Variants in PRIM2 observed in about 807,000 individuals in gnomAD.
The protein encoded by PRIM2 is DNA primase large subunit.
PRIM2 carries 39 observed loss-of-function variants against 67.3 expected under a neutral mutation model. That is an observed-to-expected ratio of 0.58 (90% CI 0.45 to 0.76). The LOEUF is 0.76. Ranked by LOEUF, PRIM2 falls within the 30% of genes least tolerant of loss-of-function variation. The probability of loss-of-function intolerance (pLI) is 0.00; values close to 1 mark genes in which losing one functional copy is unlikely to be tolerated. For synonymous variants in PRIM2, 143 were observed against 198.7 expected (o/e 0.72, Z 2.36); for missense variants, 398 against 598.7 (o/e 0.66, Z 3.50).
At chr6:57,461,210 GGT>G (rs1772992869) in intron 7 of PRIM2, among the ~76,000 whole-genome samples, 1 of 152,162 alleles carries the variant, frequency 6.6e-6, no homozygotes, top group Non-Finnish European at 1.5e-5. Context: ...ATGAACCCTT[GGT>G]AAGTAAGTGG....
chr6:57,641,516 C>G lies in PRIM2; in HGVS notation c.1300-4412C>G, dbSNP rs1164298229. ...CTGACAAAGGGCTAATATCCAGAAT[C>G]TACAAAGAACTTAAATTTACAAGAA... On this transcript the variant is annotated intron_variant, in intron 13 of 13. Transcript: ENST00000615550. Among the ~76,000 whole-genome samples the G allele has an allele frequency of 4.7e-3, 721 of 152,242 alleles. 1 individual carries two copies. Among genetic ancestry groups the G allele is most frequent in the African/African-American group, 0.015 (626 of 41,536 alleles).
intron 8 of PRIM2, among the ~76,000 whole-genome samples, chr6:57,513,080 A>G (rs1303374230): frequency 5.3e-5 from 8 of 152,224 alleles, no homozygotes; most frequent in Admixed American, 2.6e-4. Flanking sequence ...GAGAATTTGT[A>G]TAAATCATTA....
chr6:57,420,523 C>A (rs1771430124), intron 7 of PRIM2, among the ~76,000 whole-genome samples: 1 of 152,102 alleles, frequency 6.6e-6, no homozygotes, highest in Admixed American at 6.5e-5. Context: ...AATAATATTT[C>A]ATCTTCCCAA....
intron 9 of PRIM2, among the ~76,000 whole-genome samples, chr6:57,536,243 G>GTCC (rs1775000598): frequency 6.6e-6 from 1 of 152,214 alleles, no homozygotes; most frequent in Non-Finnish European, 1.5e-5. Context: ...ATGTGAGGGA[G>GTCC]TAAGAATTTA....
chr6:57,461,623 G>A (rs1390027783), intron 7 of PRIM2, among the ~76,000 whole-genome samples: 1 of 151,992 alleles, frequency 6.6e-6, no homozygotes, highest in Non-Finnish European at 1.5e-5. Context: ...AATTTTCAAT[G>A]TATGTATCTT....
intron 13 of PRIM2, among the ~76,000 whole-genome samples, chr6:57,642,723 G>A (rs1160289322): frequency 2.0e-5 from 3 of 152,078 alleles, no homozygotes; most frequent in African/African-American, 7.2e-5. Flanking sequence ...TTACAGGCGT[G>A]AGCCACCACG....
the PRIM2 span, among the ~76,000 whole-genome samples, chr6:57,285,349 T>C: frequency 6.6e-6 from 1 of 152,190 alleles, no homozygotes; most frequent in Non-Finnish European, 1.5e-5. Context: ...GTATTCCAGA[T>C]GAACACTGAT....
At chr6:57,627,147 G>A (rs1776961866) in intron 12 of PRIM2, among the ~76,000 whole-genome samples, 1 of 150,118 alleles carries the variant, frequency 6.7e-6, no homozygotes, top group Non-Finnish European at 1.5e-5. Flanking sequence ...TGGGTGTTAT[G>A]GTGCGCATCT....
intron 7 of PRIM2, among the ~76,000 whole-genome samples, chr6:57,425,116 T>G (rs1380759984): frequency 6.6e-6 from 1 of 152,238 alleles, no homozygotes; most frequent in African/African-American, 2.4e-5. Context: ...TTAAAATATG[T>G]TCTGTGTCTA....
At chr6:57,589,851 GAAGA>G (rs1344922219) in intron 10 of PRIM2, among the ~76,000 whole-genome samples, 1 of 152,132 alleles carries the variant, frequency 6.6e-6, no homozygotes, top group Non-Finnish European at 1.5e-5. Context: ...TAAACAGACA[GAAGA>G]GAGAGGCCTC....
the PRIM2 span, among the ~76,000 whole-genome samples, chr6:57,225,715 T>C: frequency 6.6e-6 from 1 of 152,194 alleles, no homozygotes; most frequent in Non-Finnish European, 1.5e-5. Context: ...TCATGAATTG[T>C]AGCTGAGTAG....
chr6:57,258,454 C>G, the PRIM2 span, among the ~76,000 whole-genome samples: 1 of 152,052 alleles, frequency 6.6e-6, no homozygotes, highest in Non-Finnish European at 1.5e-5. Context: ...TCCTTGTCAG[C>G]TTTAAAAGGA....
At chr6:57,556,933 CAAA>C (rs1157012977) in intron 10 of PRIM2, among the ~76,000 whole-genome samples, 1 of 141,308 alleles carries the variant, frequency 7.1e-6, no homozygotes, top group Non-Finnish European at 1.5e-5. Context: ...AAAAGAAAAA[CAAA>C]AAAAAGTCCA....
chr6:57,545,693 T>G lies in PRIM2; in HGVS notation c.1020+8068T>G, dbSNP rs1281558357. Reference sequence around the variant, plus strand: ...AGGTGATCTACCCACCTCGGCCTCCTAAAATGCTGGGATTACATGCATGAG... The same window carrying G: ...AGGTGATCTACCCACCTCGGCCTCCGAAAATGCTGGGATTACATGCATGAG... On this transcript the variant is annotated intron_variant, in intron 10 of 13. Coordinates refer to ENST00000615550, the MANE Select transcript of PRIM2 (RefSeq NM_000947.5). Among the ~76,000 whole-genome samples, 11 of 152,164 alleles carry G rather than the reference T, an allele frequency of 7.2e-5. No individual in the cohort carries two copies. The East Asian group carries it at 2.1e-3, about 29-fold the overall frequency.
intron 7 of PRIM2, among the ~76,000 whole-genome samples, chr6:57,457,489 G>A (rs552151088): frequency 7.1e-4 from 108 of 152,212 alleles, no homozygotes; most frequent in African/African-American, 2.4e-3. Context: ...TGGCAATGGC[G>A]GGCACCCCTT....
chr6:57,283,054 C>G, the PRIM2 span, among the ~76,000 whole-genome samples: 105 of 152,152 alleles, frequency 6.9e-4, no homozygotes, highest in Middle Eastern at 0.01. Flanking sequence ...CTTATTGGCA[C>G]AGCTATTACT....
intron 5 of PRIM2, among the ~76,000 whole-genome samples, chr6:57,345,474 A>ATG (rs754685184): frequency 0.076 from 9,469 of 124,640 alleles, 442 homozygotes; most frequent in Middle Eastern, 0.11. Flanking sequence ...ATATATATAT[A>ATG]TGTGTGTGTG....
chr6:57,642,596 C>T (rs1777263153), intron 13 of PRIM2, among the ~76,000 whole-genome samples: 1 of 151,322 alleles, frequency 6.6e-6, no homozygotes, highest in Non-Finnish European at 1.5e-5. Context: ...GCACGCGCCA[C>T]CATGCCCGGC....
chr6:57,335,626 C>T (rs1488728950), intron 5 of PRIM2, among the ~76,000 whole-genome samples: 2 of 152,126 alleles, frequency 1.3e-5, no homozygotes, highest in Admixed American at 6.5e-5. Context: ...TGGCCAGGTA[C>T]TCCAACAGAC....
Sources: gnomAD v4.1 joint callset for allele counts (sites outside exome capture counted in the v4.1 genomes callset) on GRCh38, gnomAD v4.1.1 for gene constraint, MANE v1.5 for transcripts, NCBI Gene and HGNC (gene_info 2026-07-23, HGNC 2026-07-21) for gene names.